The following SYNE1 variants were observed in gnomAD, a reference collection of about 807,000 sequenced individuals.
SYNE1 encodes the protein spectrin repeat containing nuclear envelope protein 1.
SYNE1 carries 616 observed loss-of-function variants against 1,111.0 expected under a neutral mutation model. That is an observed-to-expected ratio of 0.55 (90% CI 0.52 to 0.59). The LOEUF (loss-of-function observed/expected upper bound fraction) is 0.59. Ranked by LOEUF, SYNE1 falls within the 20% of genes least tolerant of loss-of-function variation. SYNE1 has a pLI of 0.00. For synonymous variants in SYNE1, 3,855 were observed against 3,825.8 expected, an observed-to-expected ratio of 1.01 and a Z score of -0.28; for missense variants, 10,006 against 10,417.0, an observed-to-expected ratio of 0.96 and a Z score of 1.72.
At position 152,334,202 on chromosome 6, in the gene SYNE1, TG is replaced by T; in HGVS notation, c.12599del (p.Thr4200LysfsTer12). 2 of 1,614,178 alleles carry T rather than the reference TG, an allele frequency of 1.2e-6. No homozygotes were observed. Among genetic ancestry groups the T allele is most frequent in the Non-Finnish European group, 1.7e-6 (2 of 1,180,034 alleles). ...TGTGTTCAGGCGATTCCTCCTTCTT[TG>T]TTAACTTATTCACCTTTTCTATTAT... The part of the protein sequence containing the change: ...NTIIEKVNKL[T>X]KKEESPEHKE... On this transcript the variant is annotated frameshift_variant, in exon 77 of 146. Coordinates refer to ENST00000367255, the MANE Select transcript of SYNE1 (RefSeq NM_182961.4). LOFTEE classifies it high-confidence loss of function.
At chr6:152,610,175 G>A (rs1197972586) in intron 3 of SYNE1, among the ~76,000 whole-genome samples, 2 of 152,152 alleles carry the variant, frequency 1.3e-5, no homozygotes, top group Non-Finnish European at 2.9e-5. Flanking sequence ...GGCTTCAGAA[G>A]GTTGGTAATA....
At chr6:152,281,678 TAAA>T (rs1351504186) in intron 97 of SYNE1, 126 bp downstream of exon 97, 1 of 988,160 alleles carries the variant, frequency 1.0e-6, no homozygotes, top group African/African-American at 1.6e-5. Flanking sequence ...TTCTATTCTT[TAAA>T]TGTATAAAGT....
Position 152,362,335 on chromosome 6 carries a change from T to G in SYNE1, c.10146-12A>C, listed in dbSNP as rs1271809827. On this transcript the variant is annotated splice_polypyrimidine_tract_variant and intron_variant, in intron 63 of 145. Transcript: ENST00000367255. The stretch of plus-strand genomic sequence containing the variant: ...CTCCTTCGAGTTGGCTGAAAGGGAT[T>G]TGAAAGGACAATAAATCCACATTGA... 3.1e-6 allele frequency: 5 copies of G among 1,614,046 alleles called. No individual in the cohort carries two copies. The highest frequency in any genetic ancestry group is 2.2e-5 in the East Asian group (1 of 44,894).
At position 152,371,164 on chromosome 6, in the gene SYNE1, T is replaced by C. The variant is rs147341008; in HGVS notation, c.9508-1550A>G. On this transcript the variant is annotated intron_variant, in intron 59 of 145. Transcript: ENST00000367255. ...GGCCACTTGATATGGTTTGGCTGTG[T>C]CCCCCCCCAAATCTCATCTTGAATT... Among the ~76,000 whole-genome samples the C allele has an allele frequency of 2.0e-3, 301 of 151,432 alleles. 2 individuals carry two copies. The East Asian group carries it at 0.054, about 27-fold the overall frequency.
rs112157624 is a variant in SYNE1 at position 152,333,790 on chromosome 6, G to A, written c.12794+218C>T. Among the ~76,000 whole-genome samples, 5,129 of 151,828 alleles carry A rather than the reference G, an allele frequency of 0.034. 274 individuals are homozygous for A. Among genetic ancestry groups the A allele is most frequent in the African/African-American group, 0.12 (4,875 of 41,366 alleles). On this transcript the variant is annotated intron_variant, in intron 77 of 145. Transcript: ENST00000367255. Reference sequence around the variant, plus strand: ...TGGGATTACAAGCATGCACCACCACGCCCGGCTAATTTTTGTATTTTTAGT... The same window carrying A: ...TGGGATTACAAGCATGCACCACCACACCCGGCTAATTTTTGTATTTTTAGT...
intron 87 of SYNE1, chr6:152,315,671 G>GA (rs558430919): frequency 1.3e-5 from 2 of 152,008 alleles, no homozygotes; most frequent in South Asian, 2.1e-4. Flanking sequence ...TTTTTTTGCT[G>GA]AAATTTGCAT....
intron 39 of SYNE1, among the ~76,000 whole-genome samples, chr6:152,423,998 C>A (rs6919762): frequency 6.6e-6 from 1 of 152,174 alleles, no homozygotes; most frequent in African/African-American, 2.4e-5. Context: ...ATACTGAACA[C>A]TGCCTGAAAT....
At chr6:152,419,486 A>T in intron 40 of SYNE1, 83 bp downstream of exon 40, 1 of 1,378,966 alleles carries the variant, frequency 7.3e-7, no homozygotes, top group Non-Finnish European at 9.9e-7. Flanking sequence ...AAACTTTTTT[A>T]AAATGTTGCA....
At position 152,189,060 on chromosome 6, in the gene SYNE1, T is replaced by G. The variant is rs140971743; in HGVS notation, c.23301+192A>C. Among the ~76,000 whole-genome samples the G allele has an allele frequency of 2.2e-3, 303 of 140,630 alleles. 4 individuals carry two copies. The highest frequency in any genetic ancestry group is 7.5e-3 in the African/African-American group (290 of 38,502). The allele number at this position is 140,630 out of a possible 152,430, so 92.3% of individuals were successfully genotyped here. A position where few individuals can be genotyped will look rare whatever the true frequency, so the allele number is the denominator to read the frequency against. Reference sequence around the variant, plus strand: ...AAAGTGAAAGAAAAAGAATCCAGTTTAGGTTTTTCTAAAATGTGGTAAAAT... The same window carrying G: ...AAAGTGAAAGAAAAAGAATCCAGTTGAGGTTTTTCTAAAATGTGGTAAAAT... On this transcript the variant is annotated intron_variant, in intron 128 of 145. Transcript: ENST00000367255.
At position 152,398,789 on chromosome 6, in the gene SYNE1, T is replaced by C. The variant is rs992671372; in HGVS notation, c.7238-58A>G. On this transcript the variant is annotated intron_variant, in intron 48 of 145. Transcript: ENST00000367255. ...AAAAATCAGAAGCAAATCCAAAACA[T>C]TGAATGGGCTCCCAGGATTACCACA... 14 of 1,305,572 alleles carry C rather than the reference T, an allele frequency of 1.1e-5. No homozygotes were observed. The African/African-American group carries it at 1.8e-4, about 17-fold the overall frequency. The allele number at this position is 1,305,572 out of a possible 1,614,324, so 80.9% of individuals were successfully genotyped here.
At chr6:152,246,194 G>C (rs1431711837) in intron 105 of SYNE1, among the ~76,000 whole-genome samples, 1 of 152,092 alleles carries the variant, frequency 6.6e-6, no homozygotes, top group East Asian at 1.9e-4. Context: ...CCTTTCAGCT[G>C]TTTAGTCCTC....
At chr6:152,219,533 A>G (rs2079601511) in intron 119 of SYNE1, among the ~76,000 whole-genome samples, 1 of 151,848 alleles carries the variant, frequency 6.6e-6, no homozygotes, top group South Asian at 2.1e-4. Context: ...AGTAGAGCCA[A>G]TAACTGGAAA....
At chr6:152,193,781 G>A (rs2073248922) in intron 127 of SYNE1, among the ~76,000 whole-genome samples, 1 of 152,042 alleles carries the variant, frequency 6.6e-6, no homozygotes, top group Admixed American at 6.5e-5. Context: ...GGGGGCCAAG[G>A]TGGGCAGATC....
intron 84 of SYNE1, 35 bp from the exon 85 acceptor site, chr6:152,319,050 T>C (rs368628518): frequency 2.5e-5 from 40 of 1,612,334 alleles, no homozygotes; most frequent in Non-Finnish European, 3.2e-5. Context: ...AAACAAGCCA[T>C]GGTTAAAAGT....
In SYNE1 at chr6:152,514,647, AC is replaced by A. The variant is rs973299106; in HGVS notation, c.310-3545del. On this transcript the variant is annotated intron_variant, in intron 6 of 145. Coordinates refer to ENST00000367255, the MANE Select transcript of SYNE1 (RefSeq NM_182961.4). ...TAATTTAAAAAAATAATAAAAAAAA[AC>A]AATGAATACCAAAAAAAAAAAAAAT... Among the ~76,000 whole-genome samples, 16 of 151,006 alleles carry A rather than the reference AC, an allele frequency of 1.1e-4. No individual in the cohort carries two copies. The East Asian group carries it at 1.5e-3, about 15-fold the overall frequency.
At position 152,254,867 on chromosome 6, in the gene SYNE1, A is replaced by T. The variant is rs780647634; in HGVS notation, c.19470+13T>A. On this transcript the variant is annotated intron_variant, in intron 104 of 145. Transcript: ENST00000367255. The stretch of plus-strand genomic sequence containing the variant: ...GAGAATGGTCACGTATCCTTTGATA[A>T]TATCTTACTTACCTGGAAATTTAGT... The T allele has an allele frequency of 3.7e-6, 6 of 1,609,812 alleles. No homozygotes were observed. The Admixed American group carries it at 1.0e-4, about 27-fold the overall frequency.
At chr6:152,507,978 T>C (rs1465943282) in intron 8 of SYNE1, among the ~76,000 whole-genome samples, 1 of 152,204 alleles carries the variant, frequency 6.6e-6, no homozygotes, top group Non-Finnish European at 1.5e-5. Context: ...TTACTGGATG[T>C]TTTATCATTT....
chr6:152,384,442 C>T (rs147692512), intron 55 of SYNE1, among the ~76,000 whole-genome samples: 25 of 151,890 alleles, frequency 1.6e-4, no homozygotes, highest in South Asian at 4.2e-4. Flanking sequence ...CAGAATATTA[C>T]GAAGAAATGT....
chr6:152,248,910 A>C (rs2088266460), intron 105 of SYNE1, among the ~76,000 whole-genome samples: 1 of 152,232 alleles, frequency 6.6e-6, no homozygotes, highest in African/African-American at 2.4e-5. Flanking sequence ...ATCATTGGGC[A>C]GAAAACTCCT....
Sources: gnomAD v4.1 joint callset for allele counts (sites outside exome capture counted in the v4.1 genomes callset) on GRCh38, gnomAD v4.1.1 for gene constraint, MANE v1.5 for transcripts, NCBI Gene and HGNC (gene_info 2026-07-23, HGNC 2026-07-21) for gene names.